Variants in RAD51B observed in about 807,000 individuals in gnomAD.
RAD51B encodes the protein DNA repair protein RAD51 homolog 2.
In RAD51B, 38 loss-of-function variants were observed where a neutral mutation model predicts 42.2. The ratio of observed to expected loss-of-function variants is 0.90; its 90% CI spans 0.70 to 1.18. The LOEUF is 1.18. Among genes scored for constraint, RAD51B ranks in the 50% most tolerant of loss-of-function variants. The pLI, the probability that RAD51B is intolerant of heterozygous loss-of-function variation, is 0.00. For missense variants in RAD51B, 373 were observed against 400.7 expected, an observed-to-expected ratio of 0.93 and a Z score of 0.59; for synonymous variants, 154 against 145.2, an observed-to-expected ratio of 1.06 and a Z score of -0.43.
chr14:67,867,214 G>A (rs145961742), intron 5 of RAD51B, among the ~76,000 whole-genome samples: 1 of 152,170 alleles, frequency 6.6e-6, no homozygotes, highest in African/African-American at 2.4e-5. Context: ...TTCTGTTACA[G>A]GACAGCTTAA....
intron 8 of RAD51B, among the ~76,000 whole-genome samples, chr14:68,295,887 C>T (rs1227186610): frequency 6.6e-6 from 1 of 152,124 alleles, no homozygotes; most frequent in African/African-American, 2.4e-5. Flanking sequence ...CCCCCCGCCC[C>T]CAAATCCCAG....
intron 7 of RAD51B, among the ~76,000 whole-genome samples, chr14:68,277,889 C>T (rs547603790): frequency 2.4e-4 from 36 of 152,262 alleles, no homozygotes; most frequent in Non-Finnish European, 4.4e-4. Context: ...ACTATAGGCG[C>T]GTGCCACCAT....
At chr14:68,616,144 AT>A (rs1891821087), downstream of RAD51B, among the ~76,000 whole-genome samples, 1 of 152,006 alleles carries the variant, frequency 6.6e-6, no homozygotes, top group Non-Finnish European at 1.5e-5. Flanking sequence ...GTACTTTATT[AT>A]TTTTGCTTTA....
chr14:68,263,171 C>G (rs2080922198), intron 7 of RAD51B, among the ~76,000 whole-genome samples: 1 of 152,212 alleles, frequency 6.6e-6, no homozygotes, highest in Non-Finnish European at 1.5e-5. Flanking sequence ...AACAGGATAC[C>G]TGCAAGCATT....
At chr14:68,498,091 A>G (rs139287743) in intron 10 of RAD51B, among the ~76,000 whole-genome samples, 86 of 152,364 alleles carry the variant, frequency 5.6e-4, no homozygotes, top group African/African-American at 1.9e-3. Context: ...CTGCAATACT[A>G]TTCTCCACAT....
intron 7 of RAD51B, among the ~76,000 whole-genome samples, chr14:67,968,660 G>C (rs1461952307): frequency 2.0e-5 from 3 of 152,146 alleles, no homozygotes; most frequent in African/African-American, 7.2e-5. Flanking sequence ...GACCACCTCA[G>C]CCTGGACTTT....
intron 7 of RAD51B, among the ~76,000 whole-genome samples, chr14:68,087,300 G>A (rs922505688): frequency 6.6e-6 from 1 of 152,092 alleles, no homozygotes; most frequent in African/African-American, 2.4e-5. Context: ...TTAAGTTTGG[G>A]TTTGGGGCCT....
At chr14:68,461,259 C>T (rs968674439) in intron 9 of RAD51B, among the ~76,000 whole-genome samples, 14 of 148,978 alleles carry the variant, frequency 9.4e-5, no homozygotes, top group African/African-American at 1.7e-4. Flanking sequence ...TGGAAGCTTG[C>T]GAACAGCTGA....
At chr14:68,674,013 G>A (rs1471886896) in intron 11 of RAD51B, among the ~76,000 whole-genome samples, 1 of 151,206 alleles carries the variant, frequency 6.6e-6, no homozygotes, top group East Asian at 1.9e-4. Context: ...ATCCACACAT[G>A]TACACATACA....
chr14:68,655,692 T>C (rs1353079835), intron 11 of RAD51B, among the ~76,000 whole-genome samples: 1 of 152,086 alleles, frequency 6.6e-6, no homozygotes, highest in Non-Finnish European at 1.5e-5. Flanking sequence ...CTGGCATACA[T>C]CTCGGAAGTC....
At chr14:68,387,046 T>G (rs1427305542) in intron 8 of RAD51B, 2 of 152,238 alleles carry the variant, frequency 1.3e-5, no homozygotes, top group African/African-American at 4.8e-5. Context: ...GGTTTTTGTA[T>G]CAGGGATGGT....
chr14:68,473,195 G>A (rs754622913), intron 10 of RAD51B, among the ~76,000 whole-genome samples: 6 of 152,114 alleles, frequency 3.9e-5, no homozygotes, highest in East Asian at 3.8e-4. Context: ...TACCACCTCC[G>A]CACCTGGCAC....
chr14:68,395,413 AG>A (rs2140028858), intron 8 of RAD51B, among the ~76,000 whole-genome samples: 1 of 152,338 alleles, frequency 6.6e-6, no homozygotes, highest in South Asian at 2.1e-4. Flanking sequence ...GGGGGAGGAT[AG>A]AAAAACTTTT....
At chr14:68,024,692 A>T (rs967729876) in intron 7 of RAD51B, among the ~76,000 whole-genome samples, 45 of 152,108 alleles carry the variant, frequency 3.0e-4, no homozygotes, top group Non-Finnish European at 3.4e-4. Flanking sequence ...GATTTTTTTT[A>T]AAATCCTGAA....
intron 8 of RAD51B, among the ~76,000 whole-genome samples, chr14:68,359,348 T>C (rs888788187): frequency 6.6e-6 from 1 of 152,156 alleles, no homozygotes; most frequent in African/African-American, 2.4e-5. Flanking sequence ...GGTGATTGGA[T>C]TCCTTTAGCT....
chr14:67,872,786 A>T (rs1362308324), intron 5 of RAD51B, among the ~76,000 whole-genome samples: 1 of 150,944 alleles, frequency 6.6e-6, no homozygotes, highest in East Asian at 2.0e-4. Context: ...ATAATGCCGC[A>T]TATCTACAAC....
chr14:68,151,461 T>G (rs1012157463), intron 7 of RAD51B, among the ~76,000 whole-genome samples: 15 of 152,124 alleles, frequency 9.9e-5, no homozygotes, highest in Non-Finnish European at 2.9e-5. Flanking sequence ...TCATCAAATT[T>G]GGAAAAATCT....
chr14:68,378,504 A>T (rs1394767957), intron 8 of RAD51B, among the ~76,000 whole-genome samples: 1 of 152,190 alleles, frequency 6.6e-6, no homozygotes, highest in Non-Finnish European at 1.5e-5. Flanking sequence ...AAATCTTCAG[A>T]TGCCCAAGTC....
At chr14:68,496,495 G>C (rs1162934173) in intron 10 of RAD51B, among the ~76,000 whole-genome samples, 3 of 152,190 alleles carry the variant, frequency 2.0e-5, no homozygotes, top group Non-Finnish European at 4.4e-5. Flanking sequence ...ACCTCTGACA[G>C]GGCCCAGATG....
Sources: gnomAD v4.1 joint callset for allele counts (sites outside exome capture counted in the v4.1 genomes callset) on GRCh38, gnomAD v4.1.1 for gene constraint, MANE v1.5 for transcripts, NCBI Gene and HGNC (gene_info 2026-07-23, HGNC 2026-07-21) for gene names.